The following PTPA variants were observed in gnomAD, a reference collection of about 807,000 sequenced individuals.
PTPA encodes serine/threonine-protein phosphatase 2A activator.
Under a neutral mutation model 43.6 loss-of-function variants are expected in PTPA, and 13 were observed. The ratio of observed to expected loss-of-function variants is 0.30; its 90% CI spans 0.19 to 0.47. The LOEUF (loss-of-function observed/expected upper bound fraction) is 0.47. Ranked by LOEUF, PTPA falls within the 20% of genes least tolerant of loss-of-function variation. The pLI, the probability that PTPA is intolerant of heterozygous loss-of-function variation, is 0.99. For missense variants in PTPA, 329 were observed against 411.9 expected, an observed-to-expected ratio of 0.80 and a Z score of 1.74; for synonymous variants, 172 against 158.2, an observed-to-expected ratio of 1.09 and a Z score of -0.66.
chr9:129,142,287 T>C (rs1180095549), intron 8 of PTPA, 158 bp from the exon 9 acceptor site: 31 of 587,652 alleles, frequency 5.3e-5, no homozygotes, highest in Non-Finnish European at 8.5e-5. Flanking sequence ...CTCAGGCAGA[T>C]GCTATAGCTT....
chr9:129,134,668 C>G lies in PTPA; in HGVS notation c.461-127C>G, dbSNP rs552466023. Reference sequence around the variant, plus strand: ...AAGTCTTTCTGAATGGGGAAGAGGTCTCATTGTCTCCATGTTGACCACCCT... The same window carrying G: ...AAGTCTTTCTGAATGGGGAAGAGGTGTCATTGTCTCCATGTTGACCACCCT... On this transcript the variant is annotated intron_variant, in intron 5 of 9. Transcript: ENST00000393370. 6.6e-5 allele frequency: 45 copies of G among 680,154 alleles called. No homozygotes were observed. The South Asian group carries it at 8.1e-4, about 12-fold the overall frequency. 42.1% of individuals were successfully genotyped at this position (680,154 alleles called of 1,614,324 possible).
intron 4 of PTPA, among the ~76,000 whole-genome samples, chr9:129,131,211 C>T (rs1849941957): frequency 6.6e-6 from 1 of 152,232 alleles, no homozygotes; most frequent in African/African-American, 2.4e-5. Context: ...TAGCACTGAC[C>T]TTCCAGAGTC....
rs972577401 is a variant in PTPA, at chr9:129,147,745, G to C, written c.*281G>C. ...CCTGGTCACTCGGCCACTCTCTCCT[G>C]TTTCTGGCCTCTTCTCCCTTCACTC... On this transcript the variant is annotated 3_prime_UTR_variant, in exon 10 of 10. Transcript: ENST00000393370. 2 of 436,418 alleles carry C rather than the reference G, an allele frequency of 4.6e-6. No individual in the cohort carries two copies. The highest frequency in any genetic ancestry group is 4.0e-5 in the African/African-American group (2 of 49,552). 27.0% of individuals were successfully genotyped at this position (436,418 alleles called of 1,614,324 possible). A position where few individuals can be genotyped will look rare whatever the true frequency, so the allele number is the denominator to read the frequency against.
At chr9:129,133,548 T>C (rs1209077122) in intron 5 of PTPA, among the ~76,000 whole-genome samples, 1 of 152,188 alleles carries the variant, frequency 6.6e-6, no homozygotes, top group Non-Finnish European at 1.5e-5. Flanking sequence ...TCCCTCCAGA[T>C]AGGTTTTGTG....
At chr9:129,145,968 T>C (rs1004263589) in intron 9 of PTPA, among the ~76,000 whole-genome samples, 2 of 152,108 alleles carry the variant, frequency 1.3e-5, no homozygotes, top group Admixed American at 1.3e-4. Flanking sequence ...CTCCTGTGGC[T>C]CTGAGGGGGC....
intron 9 of PTPA, chr9:129,143,297 C>T (rs1851032924): frequency 4.3e-6 from 3 of 702,966 alleles, no homozygotes; most frequent in South Asian, 3.0e-5. Context: ...ACTGCTTGAC[C>T]TTGGCCAGGG....
upstream of PTPA, chr9:129,111,142 GT>G: frequency 7.9e-7 from 1 of 1,273,354 alleles, no homozygotes; most frequent in Non-Finnish European, 1.1e-6. Flanking sequence ...TATTCCTTGG[GT>G]TAGGGTCAGT....
chr9:129,129,004 C>T lies in PTPA; in HGVS notation c.236C>T (p.Ala79Val). ...CCACAGGCCATTGAGAAACTAGTCG[C>T]TCTTCTCAACACGCTGGACAGGTGG... The part of the protein sequence containing the change: ...RVSEAIEKLV[A>V]LLNTLDRWID... Residue 79 changes from alanine (A) to valine (V), a missense_variant, in exon 4 of 10, where the codon GCT (alanine) becomes GTT (valine). By Grantham distance (64) the Ala-to-Val change is moderately conservative. Transcript: ENST00000393370. The T allele has an allele frequency of 6.2e-7, 1 of 1,613,248 alleles. No homozygotes were observed. Among genetic ancestry groups the T allele is most frequent in the Non-Finnish European group, 8.5e-7 (1 of 1,179,970 alleles).
At position 129,111,554 on chromosome 9, in the gene PTPA, G is replaced by A; in HGVS notation, c.-47G>A. ...GGAAGGGTGGGTGCAAGAGTGAAAG[G>A]CGAGAGGGGACTGCAAGCATCCGGG... is the stretch of plus-strand genomic sequence containing the variant. On this transcript the variant is annotated 5_prime_UTR_variant, in exon 1 of 10. Coordinates refer to ENST00000393370, the MANE Select transcript of PTPA (RefSeq NM_178000.3). 7.7e-7 allele frequency: 1 copy of A among 1,291,668 alleles called. No homozygotes were observed. The highest frequency in any genetic ancestry group is 9.9e-7 in the Non-Finnish European group (1 of 1,011,444). The allele number at this position is 1,291,668 out of a possible 1,614,324, so 80.0% of individuals were successfully genotyped here. A position where few individuals can be genotyped will look rare whatever the true frequency, so the allele number is the denominator to read the frequency against.
Position 129,134,804 on chromosome 9 carries a change from C to T in PTPA, c.470C>T (p.Ala157Val). The change falls in exon 6 of 10, where the codon GCA (alanine) becomes GTA (valine). Residue 157 changes from alanine (A) to valine (V), a missense_variant. Ala to Val is a moderately conservative substitution (Grantham distance 64). Transcript: ENST00000393370. ...TGTTTTTCTCCTCCAGGGCATGAGG[C>T]AGCCTTCGCTGCTTTCCTCTGCTGT... is the stretch of plus-strand genomic sequence containing the variant. ...TRIDYGTGHE[A>V]AFAAFLCCLC... The T allele has an allele frequency of 6.2e-7, 1 of 1,613,788 alleles. No homozygotes were observed. The highest frequency in any genetic ancestry group is 8.5e-7 in the Non-Finnish European group (1 of 1,179,836).
At chr9:129,111,128 C>T, upstream of PTPA, 1 of 1,309,094 alleles carries the variant, frequency 7.6e-7, no homozygotes, top group South Asian at 1.2e-5. Flanking sequence ...GGAATGTCCT[C>T]TAATATTCCT....
intron 2 of PTPA, 126 bp from the exon 3 acceptor site, chr9:129,122,926 T>C: frequency 1.5e-6 from 1 of 685,932 alleles, no homozygotes; most frequent in South Asian, 1.7e-5. Flanking sequence ...GCTATTGGGT[T>C]GGGAGTCAGG....
intron 9 of PTPA, chr9:129,143,219 G>A: frequency 3.0e-6 from 2 of 659,614 alleles, no homozygotes; most frequent in Non-Finnish European, 5.5e-6. Context: ...AAGTGGGGAG[G>A]AGACATTTTA....
chr9:129,118,536 A>C (rs1849042796), intron 1 of PTPA, among the ~76,000 whole-genome samples: 1 of 151,790 alleles, frequency 6.6e-6, no homozygotes, highest in Non-Finnish European at 1.5e-5. Context: ...ACCACACCTG[A>C]ATAATTTTAT....
At chr9:129,127,986 A>T (rs1000820454) in intron 3 of PTPA, 1 of 1,340,334 alleles carries the variant, frequency 7.5e-7, no homozygotes, top group African/African-American at 1.5e-5. Flanking sequence ...GTTCATGAGG[A>T]AAAGGAGCAG....
Position 129,127,943 on chromosome 9 carries a change from T to A in PTPA, c.217-1042T>A, listed in dbSNP as rs1368277071. The stretch of plus-strand genomic sequence containing the variant: ...GTTATTCACTTAGTAAAAGTTGTCA[T>A]AAGATTATGTTTATATGTAGATGTG... On this transcript the variant is annotated intron_variant, in intron 3 of 9. Transcript: ENST00000393370. The A allele has an allele frequency of 4.6e-6, 6 of 1,298,974 alleles. No homozygotes were observed. In the South Asian group the frequency reaches 6.2e-5, roughly 13 times the overall value. The allele number at this position is 1,298,974 out of a possible 1,614,324, so 80.5% of individuals were successfully genotyped here.
chr9:129,131,016 T>A (rs942322699), intron 4 of PTPA, among the ~76,000 whole-genome samples: 6 of 152,262 alleles, frequency 3.9e-5, no homozygotes, highest in African/African-American at 1.4e-4. Context: ...TGTGTAGTAT[T>A]CTATTGTATG....
At chr9:129,137,721 A>G in intron 8 of PTPA, 29 bp downstream of exon 8, 1 of 1,538,210 alleles carries the variant, frequency 6.5e-7, no homozygotes, top group Non-Finnish European at 8.9e-7. Context: ...AGAGAAGCCC[A>G]TGGCTGCCTC....
Position 129,136,588 on chromosome 9 carries a change from G to A in PTPA, c.678G>A (p.Gln226=), listed in dbSNP as rs141815672. ...QFLPFIWGSS[Q]LIDHPYLEPR... is the part of the protein sequence containing the mutation. ...TGCCCTTCATCTGGGGCAGTTCGCA[G>A]CTGATAGGTACTAGAGCGGGAGGTG... Residue 226 remains glutamine (Q), a synonymous_variant, in exon 7 of 10, where the codon CAG becomes CAA. Transcript: ENST00000393370. 6.2e-6 allele frequency: 10 copies of A among 1,613,090 alleles called. No homozygotes were observed. Among genetic ancestry groups the A allele is most frequent in the Non-Finnish European group, 8.5e-6 (10 of 1,179,454 alleles).
Sources: allele counts gnomAD v4.1 joint callset (sites outside exome capture counted in the v4.1 genomes callset), GRCh38; gene constraint gnomAD v4.1.1; transcripts MANE v1.5; gene names NCBI Gene and HGNC (gene_info 2026-07-23, HGNC 2026-07-21).